NRG1: variants seen among roughly 807,000 people sequenced by gnomAD.
NRG1 encodes neuregulin 1, also known as pro-neuregulin-1, membrane-bound isoform.
Under a neutral mutation model 63.8 loss-of-function variants are expected in NRG1, and 18 were observed. The observed-to-expected ratio is 0.28, with a 90% CI of 0.19 to 0.42. NRG1 has a LOEUF of 0.42. Among genes scored for constraint, NRG1 ranks in the 10% least tolerant of loss-of-function variants. The pLI, the probability that NRG1 is intolerant of heterozygous loss-of-function variation, is 1.00. For missense variants in NRG1, 762 were observed against 814.7 expected, an observed-to-expected ratio of 0.94 and a Z score of 0.79; for synonymous variants, 302 against 301.3, an observed-to-expected ratio of 1.00 and a Z score of -0.02.
At chr8:31,676,495 G>A (rs1231875791) in intron 1 of NRG1, among the ~76,000 whole-genome samples, 4 of 152,064 alleles carry the variant, frequency 2.6e-5, no homozygotes, top group African/African-American at 4.8e-5. Context: ...GACCATTTAG[G>A]TGGGGCAGTG....
intron 1 of NRG1, among the ~76,000 whole-genome samples, chr8:32,382,828 G>A (rs913469819): frequency 2.6e-5 from 4 of 152,092 alleles, no homozygotes; most frequent in Non-Finnish European, 5.9e-5. Context: ...CCAGGCCCTG[G>A]AAATTGAGCA....
intron 1 of NRG1, among the ~76,000 whole-genome samples, chr8:32,315,002 C>T (rs1243999991): frequency 6.6e-6 from 1 of 150,438 alleles, no homozygotes; most frequent in Non-Finnish European, 1.5e-5. Flanking sequence ...AAGCTCTTCT[C>T]GACTTTCTGC....
At chr8:32,643,893 G>T (rs973818906) in intron 5 of NRG1, among the ~76,000 whole-genome samples, 4 of 152,020 alleles carry the variant, frequency 2.6e-5, no homozygotes, top group African/African-American at 9.7e-5. Flanking sequence ...TACATATTCT[G>T]GTTCTCATAG....
At chr8:32,305,572 G>A (rs1484689304) in intron 1 of NRG1, among the ~76,000 whole-genome samples, 1 of 152,150 alleles carries the variant, frequency 6.6e-6, no homozygotes, top group Non-Finnish European at 1.5e-5. Context: ...TCCAGTCTGG[G>A]GTGATGTTTA....
Position 32,412,451 on chromosome 8 carries a change from T to C in NRG1, c.38-183377T>C, listed in dbSNP as rs373878392. On this transcript the variant is annotated intron_variant, in intron 1 of 10. Coordinates refer to the NRG1 transcript ENST00000519301. ...ATATATATATATATATATATATATA[T>C]ACATATATATATATATATATATATG... is the stretch of plus-strand genomic sequence containing the variant. Among the ~76,000 whole-genome samples, 212 of 59,902 alleles carry C rather than the reference T, an allele frequency of 3.5e-3. 1 individual carries two copies. The highest frequency in any genetic ancestry group is 7.1e-3 in the Admixed American group (39 of 5,462). 39.3% of individuals were successfully genotyped at this position (59,902 alleles called of 152,430 possible). A position where few individuals can be genotyped will look rare whatever the true frequency, so the allele number is the denominator to read the frequency against.
At chr8:32,710,270 A>G (rs1228008310) in intron 5 of NRG1, among the ~76,000 whole-genome samples, 1 of 152,116 alleles carries the variant, frequency 6.6e-6, no homozygotes, top group Admixed American at 6.6e-5. Context: ...TAATTTTTTT[A>G]TTTTATGTAA....
chr8:32,464,060 T>A (rs958942485), intron 1 of NRG1, among the ~76,000 whole-genome samples: 54 of 150,808 alleles, frequency 3.6e-4, no homozygotes, highest in African/African-American at 1.2e-3. Context: ...GACCAGCTAA[T>A]TTTTTTTGTA....
At chr8:32,359,657 G>T (rs1587050757) in intron 1 of NRG1, among the ~76,000 whole-genome samples, 1 of 152,150 alleles carries the variant, frequency 6.6e-6, no homozygotes, top group East Asian at 1.9e-4. Flanking sequence ...CTGATTTTCT[G>T]TCCAAAATAT....
chr8:31,747,266 G>A (rs12056591), intron 1 of NRG1, among the ~76,000 whole-genome samples: 146,941 of 151,952 alleles, frequency 0.97, 71,226 homozygotes, highest in East Asian at 1. Context: ...CTGTATCAAA[G>A]CATCCCATGT....
At chr8:32,247,112 T>TA (rs34342943) in intron 1 of NRG1, among the ~76,000 whole-genome samples, 3 of 149,664 alleles carry the variant, frequency 2.0e-5, no homozygotes, top group East Asian at 4.1e-4. Context: ...AGTTTTTTTT[T>TA]AAAAAAAAGG....
intron 1 of NRG1, among the ~76,000 whole-genome samples, chr8:32,314,448 G>A (rs1563304436): frequency 1.0e-4 from 1 of 10,050 alleles, no homozygotes; most frequent in Non-Finnish European, 1.5e-4. Flanking sequence ...GTCCTCGCGT[G>A]AAGACTAAGT....
At chr8:31,854,614 A>C (rs1038205856) in intron 1 of NRG1, among the ~76,000 whole-genome samples, 7 of 151,102 alleles carry the variant, frequency 4.6e-5, no homozygotes, top group East Asian at 2.0e-4. Flanking sequence ...TATTTCCTTC[A>C]GTTCTTCTCT....
chr8:31,930,256 T>G (rs2129619851), intron 1 of NRG1, among the ~76,000 whole-genome samples: 1 of 152,330 alleles, frequency 6.6e-6, no homozygotes, highest in Admixed American at 6.5e-5. Context: ...TGAAAAGTAT[T>G]GAACTTTTAA....
chr8:32,676,658 A>G (rs1292230921), intron 5 of NRG1, among the ~76,000 whole-genome samples: 1 of 152,082 alleles, frequency 6.6e-6, no homozygotes, highest in Non-Finnish European at 1.5e-5. Context: ...CTTACTCAAT[A>G]TTGGCTATGG....
chr8:32,362,885 T>C (rs1336082030), intron 1 of NRG1, among the ~76,000 whole-genome samples: 2 of 152,142 alleles, frequency 1.3e-5, no homozygotes, highest in Admixed American at 6.6e-5. Context: ...CATGAGAACA[T>C]TGGGAGCCTG....
Position 31,664,526 on chromosome 8 carries a change from T to C in NRG1, c.37+25095T>C, listed in dbSNP as rs377758702. The stretch of plus-strand genomic sequence containing the variant: ...AGAGTTCTTGCAGCAATTGTTATTA[T>C]GTGGTTTTGCAACTTCTCTATAATC... On this transcript the variant is annotated intron_variant, in intron 1 of 10. Coordinates refer to the NRG1 transcript ENST00000519301. Among the ~76,000 whole-genome samples the C allele has an allele frequency of 3.9e-5, 6 of 152,342 alleles. No individual in the cohort carries two copies. In the East Asian group the frequency reaches 1.2e-3, roughly 29 times the overall value.
intron 1 of NRG1, among the ~76,000 whole-genome samples, chr8:32,202,708 C>T (rs1008298255): frequency 2.6e-4 from 40 of 151,630 alleles, no homozygotes; most frequent in African/African-American, 8.7e-4. Flanking sequence ...TGTAGTTCAT[C>T]GGTCCCGTAG....
chr8:32,668,973 C>T (rs1022792717), intron 5 of NRG1, among the ~76,000 whole-genome samples: 2 of 152,124 alleles, frequency 1.3e-5, no homozygotes, highest in South Asian at 4.1e-4. Flanking sequence ...AGAGTGTTCT[C>T]TTTAATATAG....
chr8:31,940,554 G>A (rs909530097), intron 1 of NRG1, among the ~76,000 whole-genome samples: 10 of 152,082 alleles, frequency 6.6e-5, no homozygotes, highest in African/African-American at 2.4e-4. Flanking sequence ...ACGAGGATCA[G>A]AGCAGAACTA....
Sources: allele counts gnomAD v4.1 joint callset (sites outside exome capture counted in the v4.1 genomes callset), GRCh38; gene constraint gnomAD v4.1.1; transcripts MANE v1.5; gene names NCBI Gene and HGNC (gene_info 2026-07-23, HGNC 2026-07-21).